The following SPIRE2 variants were observed in gnomAD, a reference collection of about 807,000 sequenced individuals.
SPIRE2 encodes the protein protein spire homolog 2.
In SPIRE2, 76 loss-of-function variants were observed where a neutral mutation model predicts 80.7. The observed-to-expected ratio is 0.94, with a 90% confidence interval of 0.78 to 1.14. SPIRE2 has a LOEUF of 1.14. Among genes scored for constraint, SPIRE2 ranks in the 50% most tolerant of loss-of-function variants. The pLI, the probability that SPIRE2 is intolerant of heterozygous loss-of-function variation, is 0.00. For missense variants in SPIRE2, 1,196 were observed against 1,015.3 expected (o/e 1.18, Z -2.42); for synonymous variants, 535 against 432.6 (o/e 1.24, Z -2.94).
At chr16:89,845,501 T>G in intron 2 of SPIRE2, 136 bp downstream of exon 2, 1 of 826,062 alleles carries the variant, frequency 1.2e-6, no homozygotes. Flanking sequence ...CCCAACAGGC[T>G]TAGTTGCAGG....
intron 10 of SPIRE2, among the ~76,000 whole-genome samples, chr16:89,861,642 G>A (rs2041745457): frequency 6.6e-6 from 1 of 152,014 alleles, no homozygotes; most frequent in Non-Finnish European, 1.5e-5. Flanking sequence ...CTCCGGCAGT[G>A]TCTTAGCTGT....
intron 2 of SPIRE2, chr16:89,850,069 C>T: frequency 1.5e-6 from 1 of 651,648 alleles, no homozygotes; most frequent in South Asian, 1.6e-5. Context: ...AACTCCTGAC[C>T]TCGTGATCCG....
At chr16:89,830,768 A>C (rs1413035424) in intron 1 of SPIRE2, among the ~76,000 whole-genome samples, 1 of 151,166 alleles carries the variant, frequency 6.6e-6, no homozygotes, top group Non-Finnish European at 1.5e-5. Context: ...ACAACAAACT[A>C]GACCATACTT....
chr16:89,834,768 G>C, intron 1 of SPIRE2, among the ~76,000 whole-genome samples: 1 of 111,364 alleles, frequency 9.0e-6, no homozygotes, highest in Non-Finnish European at 1.9e-5. Flanking sequence ...GGCCATCGTA[G>C]AAGTGTGGAT....
intron 1 of SPIRE2, among the ~76,000 whole-genome samples, chr16:89,843,269 C>T (rs1418261415): frequency 6.6e-6 from 1 of 152,202 alleles, no homozygotes; most frequent in African/African-American, 2.4e-5. Flanking sequence ...ATTCATCCTC[C>T]GGTCTCTGTT....
rs554811002 is a variant in SPIRE2 at position 89,848,882 on chromosome 16, G to A, written c.289-1422G>A. ...GGCAGGTTCCAGGGCCTTCTGCGGCGTTTCTGCAGGACAGATGAGGCAGGT... is the reference window on the plus strand; with the variant it reads ...GGCAGGTTCCAGGGCCTTCTGCGGCATTTCTGCAGGACAGATGAGGCAGGT... On this transcript the variant is annotated intron_variant, in intron 2 of 14. Coordinates refer to ENST00000378247, the MANE Select transcript of SPIRE2 (RefSeq NM_032451.2). Among the ~76,000 whole-genome samples, 214 of 137,946 alleles carry A rather than the reference G, an allele frequency of 1.6e-3. 1 individual carries two copies. The highest frequency in any genetic ancestry group is 5.2e-3 in the African/African-American group (207 of 39,842). 90.5% of individuals were successfully genotyped at this position (137,946 alleles called of 152,430 possible). A position where few individuals can be genotyped will look rare whatever the true frequency, so the allele number is the denominator to read the frequency against.
At chr16:89,868,282 G>T in intron 13 of SPIRE2, 66 bp downstream of exon 13, 1 of 1,490,896 alleles carries the variant, frequency 6.7e-7, no homozygotes, top group Admixed American at 1.7e-5. Context: ...GGCTTTGATT[G>T]GATGTGTTGG....
intron 1 of SPIRE2, among the ~76,000 whole-genome samples, chr16:89,833,047 A>G (rs539531472): frequency 6.7e-6 from 1 of 150,050 alleles, no homozygotes; most frequent in East Asian, 2.0e-4. Flanking sequence ...CTGGAGTGCA[A>G]TGCCGTGATC....
chr16:89,851,739 G>C (rs1179142233), intron 3 of SPIRE2, among the ~76,000 whole-genome samples: 1 of 152,064 alleles, frequency 6.6e-6, no homozygotes, highest in Non-Finnish European at 1.5e-5. Context: ...CTTTTATCCC[G>C]TCAGCATCTC....
At chr16:89,836,620 A>T (rs1463732710) in intron 1 of SPIRE2, among the ~76,000 whole-genome samples, 1 of 152,078 alleles carries the variant, frequency 6.6e-6, no homozygotes, top group Non-Finnish European at 1.5e-5. Flanking sequence ...AGAATCCGGA[A>T]TGTACATTCA....
rs536423197 is a variant in SPIRE2 at position 89,858,086 on chromosome 16, C to T, written c.1103-252C>T. Among the ~76,000 whole-genome samples the T allele has an allele frequency of 1.3e-4, 19 of 151,422 alleles. No homozygotes were observed. The South Asian group carries it at 4.0e-3, about 32-fold the overall frequency. On this transcript the variant is annotated intron_variant, in intron 7 of 14. Transcript: ENST00000378247. ...TTTTTTAGTAGAGACAGGGTTTCAC[C>T]ATGTTAGCCAGGATGGTCTCGATCT...
At chr16:89,839,565 G>A (rs768867864) in intron 1 of SPIRE2, among the ~76,000 whole-genome samples, 5 of 152,160 alleles carry the variant, frequency 3.3e-5, no homozygotes, top group Non-Finnish European at 7.3e-5. Context: ...CCCTGGCCCT[G>A]GTGCTTCTGA....
chr16:89,855,512 C>T, intron 5 of SPIRE2, 88 bp from the exon 6 acceptor site: 2 of 1,184,478 alleles, frequency 1.7e-6, no homozygotes, highest in Non-Finnish European at 2.4e-6. Context: ...GAAGACCAGG[C>T]TGTCCTTGGG....
At chr16:89,840,453 G>C (rs950848531) in intron 1 of SPIRE2, among the ~76,000 whole-genome samples, 68 of 150,942 alleles carry the variant, frequency 4.5e-4, no homozygotes, top group South Asian at 2.1e-3. Flanking sequence ...GTTTCACCGT[G>C]TTAGCCAGGA....
intron 10 of SPIRE2, chr16:89,862,867 C>A (rs1190138052): frequency 6.5e-6 from 1 of 154,640 alleles, no homozygotes; most frequent in Non-Finnish European, 1.4e-5. Context: ...TGTTTAAGGG[C>A]TTTAACTGAA....
At chr16:89,850,040 G>T in intron 2 of SPIRE2, 1 of 576,410 alleles carries the variant, frequency 1.7e-6, no homozygotes. Context: ...GTTTCATCAT[G>T]TTGGTCAGGC....
intron 13 of SPIRE2, among the ~76,000 whole-genome samples, chr16:89,868,529 G>A (rs1188841602): frequency 6.6e-6 from 1 of 152,188 alleles, no homozygotes; most frequent in African/African-American, 2.4e-5. Context: ...TGAGGTGTGT[G>A]CTTATGTGCA....
chr16:89,840,439 CG>C (rs1433107324), intron 1 of SPIRE2, among the ~76,000 whole-genome samples: 3 of 150,200 alleles, frequency 2.0e-5, no homozygotes, highest in African/African-American at 4.9e-5. Flanking sequence ...TTAGTAGAGA[CG>C]GGGTTTCACC....
Position 89,857,296 on chromosome 16 carries a change from C to T in SPIRE2, c.1103-1042C>T, listed in dbSNP as rs1343208188. 4.0e-5 allele frequency among the ~76,000 whole-genome samples: 6 copies of T among 151,838 alleles called. No individual in the cohort carries two copies. In the South Asian group the frequency reaches 6.3e-4, roughly 16 times the overall value. ...GATGACAGGCATGCACCACCACGCC[C>T]GGCTAATTTTTGTGTTTTTTGTAGA... On this transcript the variant is annotated intron_variant, in intron 7 of 14. Coordinates refer to ENST00000378247, the MANE Select transcript of SPIRE2 (RefSeq NM_032451.2).
Sources: gnomAD v4.1 joint callset for allele counts (sites outside exome capture counted in the v4.1 genomes callset) on GRCh38, gnomAD v4.1.1 for gene constraint, MANE v1.5 for transcripts, NCBI Gene and HGNC (gene_info 2026-07-23, HGNC 2026-07-21) for gene names.